Variants in LAMC1 observed in about 807,000 individuals in gnomAD.
LAMC1 encodes the protein laminin subunit gamma 1.
In LAMC1, 38 loss-of-function variants were observed where a neutral mutation model predicts 173.6. The observed-to-expected ratio is 0.22, with a 90% confidence interval of 0.17 to 0.29. LAMC1 has a LOEUF of 0.29. Among genes scored for constraint, LAMC1 ranks in the 10% least tolerant of loss-of-function variants. LAMC1 has a pLI of 1.00. For synonymous variants in LAMC1, 746 were observed against 749.1 expected (o/e 1.00, Z 0.07); for missense variants, 1,824 against 2,051.8 (o/e 0.89, Z 2.14).
In LAMC1 at chr1:183,116,627, C is replaced by T; in HGVS notation, c.1379C>T (p.Thr460Ile). The change falls in exon 7 of 28, where the codon ACA becomes ATA. Residue 460 changes from threonine (T) to isoleucine (I), a missense_variant. By Grantham distance (89) the Thr-to-Ile change is moderately conservative. Transcript: ENST00000258341. The part of the protein sequence containing the change: ...SGSIDECNIE[T>I]GRCVCKDNVE... ...AGCATAGATGAATGTAATATTGAAACAGGAAGATGTGTTTGCAAAGACAAT... is the reference window on the plus strand; with the variant it reads ...AGCATAGATGAATGTAATATTGAAATAGGAAGATGTGTTTGCAAAGACAAT... 6.2e-7 allele frequency: 1 copy of T among 1,613,384 alleles called. No homozygotes were observed. Among genetic ancestry groups the T allele is most frequent in the Non-Finnish European group, 8.5e-7 (1 of 1,179,388 alleles).
chr1:183,110,959 T>C (rs1273286880), intron 4 of LAMC1, among the ~76,000 whole-genome samples: 1 of 152,180 alleles, frequency 6.6e-6, no homozygotes, highest in African/African-American at 2.4e-5. Flanking sequence ...CGGAATATGG[T>C]TTCTCTAGTC....
intron 1 of LAMC1, among the ~76,000 whole-genome samples, chr1:183,025,993 G>A (rs184492022): frequency 2.0e-5 from 3 of 152,176 alleles, no homozygotes; most frequent in East Asian, 1.9e-4. Flanking sequence ...TATCAGTTAC[G>A]TTAGATTGCT....
At chr1:183,115,342 A>G (rs755891398) in intron 5 of LAMC1, among the ~76,000 whole-genome samples, 178 bp from the exon 6 acceptor site, 1 of 152,240 alleles carries the variant, frequency 6.6e-6, no homozygotes, top group East Asian at 1.9e-4. Context: ...TTAAAGGGTC[A>G]TGATTTTGAG....
intron 1 of LAMC1, among the ~76,000 whole-genome samples, chr1:183,039,220 C>G (rs760056788): frequency 2.3e-5 from 3 of 131,626 alleles, no homozygotes; most frequent in Non-Finnish European, 4.6e-5. Flanking sequence ...AAATTGTGTT[C>G]TTTTGGAGGT....
intron 11 of LAMC1, among the ~76,000 whole-genome samples, chr1:183,118,541 G>T (rs1656385084): frequency 6.6e-6 from 1 of 152,020 alleles, no homozygotes; most frequent in Non-Finnish European, 1.5e-5. Flanking sequence ...TGGCCAACAT[G>T]GTGGAACCCC....
chr1:183,098,539 C>G lies in LAMC1; in HGVS notation c.419-4789C>G, dbSNP rs540024897. On this transcript the variant is annotated intron_variant, in intron 1 of 27. Transcript: ENST00000258341. ...AAGGCATGGCCTCCTGCTCTCCTCT[C>G]AGCCACCTGGTCTTTGCCCAGTAAG... Among the ~76,000 whole-genome samples, 24 of 152,360 alleles carry G rather than the reference C, an allele frequency of 1.6e-4. No individual in the cohort carries two copies. In the South Asian group the frequency reaches 3.1e-3, roughly 20 times the overall value.
intron 1 of LAMC1, among the ~76,000 whole-genome samples, chr1:183,067,180 C>G (rs1269873041): frequency 2.0e-5 from 3 of 151,962 alleles, no homozygotes; most frequent in Non-Finnish European, 4.4e-5. Flanking sequence ...TAGTCATATT[C>G]TTACAGATTT....
At chr1:183,075,244 A>C (rs1014563252) in intron 1 of LAMC1, among the ~76,000 whole-genome samples, 3 of 151,190 alleles carry the variant, frequency 2.0e-5, no homozygotes, top group South Asian at 4.2e-4. Context: ...CTCCCACCTC[A>C]ACCCCAAGTA....
At chr1:183,041,508 A>G (rs1654132155) in intron 1 of LAMC1, among the ~76,000 whole-genome samples, 3 of 152,188 alleles carry the variant, frequency 2.0e-5, no homozygotes, top group Admixed American at 1.3e-4. Context: ...AAAATCCAGT[A>G]AGCATATTGC....
intron 26 of LAMC1, 187 bp downstream of exon 26, chr1:183,138,014 G>A (rs973021205): frequency 1.7e-6 from 1 of 589,790 alleles, no homozygotes; most frequent in Non-Finnish European, 2.6e-6. Flanking sequence ...AGGTAATTTT[G>A]TTGCACAATT....
rs1366429477 is a variant in LAMC1, at chr1:183,124,693, G to C, written c.2464G>C (p.Val822Leu). The C allele has an allele frequency of 6.2e-7, 1 of 1,614,250 alleles. No individual in the cohort carries two copies. Among genetic ancestry groups the C allele is most frequent in the Non-Finnish European group, 8.5e-7 (1 of 1,180,046 alleles). Residue 822 changes from valine to leucine, a missense_variant, in exon 14 of 28, where the codon GTG becomes CTG. By Grantham distance (32) the Val-to-Leu change is conservative (BLOSUM62 1). Transcript: ENST00000258341. ...AGACCCCCTGGGTAGAAACGGCCCT[G>C]TGAGACTTTGCCGCCTGTGCCAGTG... is the stretch of plus-strand genomic sequence containing the variant. ...FGDPLGRNGP[V>L]RLCRLCQCSD...
At chr1:183,082,422 A>G (rs1016441800) in intron 1 of LAMC1, among the ~76,000 whole-genome samples, 2 of 152,214 alleles carry the variant, frequency 1.3e-5, no homozygotes, top group Non-Finnish European at 2.9e-5. Flanking sequence ...GCAATGTTAA[A>G]TGTATTTTTG....
At chr1:183,132,996 T>C (rs10911258) in intron 21 of LAMC1, among the ~76,000 whole-genome samples, 78,674 of 151,890 alleles carry the variant, frequency 0.52, 21,069 homozygotes, top group South Asian at 0.65. Context: ...CTGCATCCTC[T>C]GCCTCCCGGG....
intron 26 of LAMC1, among the ~76,000 whole-genome samples, chr1:183,138,835 C>T (rs1419665256): frequency 1.3e-5 from 2 of 152,076 alleles, no homozygotes; most frequent in African/African-American, 4.8e-5. Flanking sequence ...GGGTGGATCG[C>T]CTGTGGTCAG....
chr1:183,036,096 C>A (rs943986143), intron 1 of LAMC1, among the ~76,000 whole-genome samples: 10 of 137,432 alleles, frequency 7.3e-5, no homozygotes, highest in Non-Finnish European at 1.6e-4. Flanking sequence ...TGAATGAATT[C>A]TTTTTTTTTT....
At position 183,053,684 on chromosome 1, in the gene LAMC1, G is replaced by A. The variant is rs1447418514; in HGVS notation, c.418+29550G>A. ...TCTGTTGCCCAGGCTGGAGTGCAGT[G>A]GCACGAACTTGGCTCACTGCAACCT... is the stretch of plus-strand genomic sequence containing the variant. On this transcript the variant is annotated intron_variant, in intron 1 of 27. Transcript: ENST00000258341. 3.3e-5 allele frequency among the ~76,000 whole-genome samples: 5 copies of A among 151,548 alleles called. No homozygotes were observed. In the South Asian group the frequency reaches 6.3e-4, roughly 19 times the overall value.
intron 1 of LAMC1, among the ~76,000 whole-genome samples, chr1:183,032,392 G>A (rs1397210220): frequency 6.6e-6 from 1 of 152,134 alleles, no homozygotes; most frequent in Non-Finnish European, 1.5e-5. Context: ...CCATCTGTGT[G>A]TGGCCGCTTC....
At chr1:183,081,925 C>G (rs1277356470) in intron 1 of LAMC1, among the ~76,000 whole-genome samples, 1 of 152,190 alleles carries the variant, frequency 6.6e-6, no homozygotes, top group African/African-American at 2.4e-5. Flanking sequence ...TCCCCCACCT[C>G]CAGGCAATCA....
intron 1 of LAMC1, among the ~76,000 whole-genome samples, chr1:183,041,305 C>T (rs1011026153): frequency 3.3e-5 from 5 of 152,166 alleles, no homozygotes; most frequent in South Asian, 2.1e-4. Context: ...ATGCTCCCAC[C>T]GTGTGGGTAC....
Sources: allele counts gnomAD v4.1 joint callset (sites outside exome capture counted in the v4.1 genomes callset), GRCh38; gene constraint gnomAD v4.1.1; transcripts MANE v1.5; gene names NCBI Gene and HGNC (gene_info 2026-07-23, HGNC 2026-07-21).